FHIT: variants seen among roughly 807,000 people sequenced by gnomAD.
The protein encoded by FHIT is bis(5'-adenosyl)-triphosphatase.
In FHIT, 19 loss-of-function variants were observed where a neutral mutation model predicts 17.9. That is an observed-to-expected ratio of 1.06 (90% CI 0.74 to 1.56). The LOEUF (loss-of-function observed/expected upper bound fraction) is 1.56, where lower values mean the gene tolerates loss of function less well. Among genes scored for constraint, FHIT ranks in the 40% most tolerant of loss-of-function variants. The probability of loss-of-function intolerance (pLI) is 0.00; values close to 1 mark genes in which losing one functional copy is unlikely to be tolerated. For synonymous variants in FHIT, 81 were observed against 69.7 expected (o/e 1.16, Z -0.81); for missense variants, 248 against 189.2 (o/e 1.31, Z -1.82).
intron 5 of FHIT, among the ~76,000 whole-genome samples, chr3:60,362,727 T>C (rs1699952917): frequency 1.3e-5 from 2 of 152,220 alleles, no homozygotes; most frequent in African/African-American, 4.8e-5. Context: ...AACTTTCCCT[T>C]GACTCATTTT....
chr3:61,105,504 A>T (rs754923138), intron 2 of FHIT, among the ~76,000 whole-genome samples: 2 of 152,076 alleles, frequency 1.3e-5, no homozygotes, highest in Non-Finnish European at 2.9e-5. Context: ...GAGTCTGCAA[A>T]TTCTGTTTGA....
intron 4 of FHIT, among the ~76,000 whole-genome samples, chr3:60,805,800 C>A (rs1455202772): frequency 6.6e-6 from 1 of 152,136 alleles, no homozygotes; most frequent in Non-Finnish European, 1.5e-5. Context: ...ACCTCGTGAT[C>A]TGCCCACCTC....
intron 1 of FHIT, among the ~76,000 whole-genome samples, chr3:61,207,883 T>A (rs1560074940): frequency 6.6e-6 from 1 of 152,222 alleles, no homozygotes; most frequent in South Asian, 2.1e-4. Context: ...CTCTTGCTTC[T>A]CTAGTTCTTT....
intron 7 of FHIT, among the ~76,000 whole-genome samples, chr3:59,950,499 T>C (rs938186631): frequency 6.6e-6 from 1 of 152,218 alleles, no homozygotes; most frequent in Non-Finnish European, 1.5e-5. Flanking sequence ...TCCCCTCTTA[T>C]ATCACTTCTT....
intron 3 of FHIT, among the ~76,000 whole-genome samples, chr3:60,864,182 A>T (rs1229049845): frequency 6.6e-6 from 1 of 152,022 alleles, no homozygotes; most frequent in Non-Finnish European, 1.5e-5. Flanking sequence ...ATTACCTCCT[A>T]CCCACTGGGT....
intron 4 of FHIT, among the ~76,000 whole-genome samples, chr3:60,609,659 C>T (rs1279439218): frequency 1.3e-5 from 2 of 152,096 alleles, no homozygotes; most frequent in African/African-American, 4.8e-5. Context: ...AAGCATTCTT[C>T]ATTGTTTTAT....
intron 2 of FHIT, among the ~76,000 whole-genome samples, chr3:61,175,749 C>A (rs2107148892): frequency 6.6e-6 from 1 of 152,232 alleles, no homozygotes; most frequent in Middle Eastern, 3.4e-3. Flanking sequence ...GATGCAGCAA[C>A]AAAGCACCAT....
intron 5 of FHIT, among the ~76,000 whole-genome samples, chr3:60,035,886 G>C (rs546042967): frequency 6.6e-6 from 1 of 152,278 alleles, no homozygotes; most frequent in Non-Finnish European, 1.5e-5. Flanking sequence ...ATAACAAGCA[G>C]TCCCAGCATT....
At chr3:60,236,525 C>T (rs1405698312) in intron 5 of FHIT, among the ~76,000 whole-genome samples, 2 of 152,048 alleles carry the variant, frequency 1.3e-5, no homozygotes, top group Non-Finnish European at 2.9e-5. Flanking sequence ...GTAAGCATCA[C>T]TGAAAACTGA....
chr3:59,806,672 G>GTATATATATATGTATATACATA (rs1700213562), intron 8 of FHIT, among the ~76,000 whole-genome samples: 1 of 14,100 alleles, frequency 7.1e-5, no homozygotes, highest in African/African-American at 1.3e-4. Context: ...ACATATATAT[G>GTATATATATATGTATATACATA]TGTATATATA....
In FHIT at chr3:60,362,091, A is replaced by G. The variant is rs143692899; in HGVS notation, c.103+174769T>C. Among the ~76,000 whole-genome samples the G allele has an allele frequency of 4.3e-3, 662 of 152,284 alleles. 5 individuals are homozygous for G. The highest frequency in any genetic ancestry group is 0.015 in the African/African-American group (612 of 41,558). On this transcript the variant is annotated intron_variant, in intron 5 of 9. Transcript: ENST00000492590. ...CTGAGATTTAAAAAAAAATAATTTTATTGTGTGCATTTGAAGTTTATAGCA... is the reference window on the plus strand; with the variant it reads ...CTGAGATTTAAAAAAAAATAATTTTGTTGTGTGCATTTGAAGTTTATAGCA...
chr3:60,287,544 T>C (rs975537051), intron 5 of FHIT, among the ~76,000 whole-genome samples: 5 of 152,222 alleles, frequency 3.3e-5, no homozygotes, highest in African/African-American at 1.2e-4. Flanking sequence ...TTGCTTTTAA[T>C]ACTTAGAACA....
At chr3:60,235,642 T>C (rs1243975113) in intron 5 of FHIT, among the ~76,000 whole-genome samples, 4 of 152,298 alleles carry the variant, frequency 2.6e-5, no homozygotes, top group South Asian at 2.1e-4. Flanking sequence ...AGCAACATCA[T>C]TGACAGTCTA....
At chr3:61,161,424 G>T (rs540645077) in intron 2 of FHIT, among the ~76,000 whole-genome samples, 18 of 151,990 alleles carry the variant, frequency 1.2e-4, no homozygotes, top group Admixed American at 4.6e-4. Context: ...GGATGGTCTC[G>T]ATCTCCTGAT....
chr3:60,063,676 CTT>C (rs1035609317), intron 5 of FHIT, among the ~76,000 whole-genome samples: 5 of 152,204 alleles, frequency 3.3e-5, no homozygotes, highest in African/African-American at 1.2e-4. Flanking sequence ...TTGGCAATCT[CTT>C]AGCAAAATGG....
At chr3:60,327,030 G>T (rs568878743) in intron 5 of FHIT, among the ~76,000 whole-genome samples, 3 of 152,252 alleles carry the variant, frequency 2.0e-5, no homozygotes, top group Admixed American at 1.3e-4. Context: ...GAGGATCCAG[G>T]TCTCCTCCTC....
chr3:60,852,834 T>G (rs545050040), intron 3 of FHIT, among the ~76,000 whole-genome samples: 15 of 151,954 alleles, frequency 9.9e-5, no homozygotes, highest in African/African-American at 3.4e-4. Context: ...TGAGACCCTA[T>G]CCCCTAAAAA....
At chr3:60,798,845 C>A in intron 4 of FHIT, among the ~76,000 whole-genome samples, 1 of 149,956 alleles carries the variant, frequency 6.7e-6, no homozygotes, top group South Asian at 2.1e-4. Flanking sequence ...GCAACCTCCT[C>A]CTCCCAGGTT....
chr3:59,882,415 C>T (rs910130996), intron 8 of FHIT, among the ~76,000 whole-genome samples: 7 of 152,142 alleles, frequency 4.6e-5, no homozygotes, highest in East Asian at 1.9e-4. Flanking sequence ...GAAGAGAGAT[C>T]GTTATAGCAC....
Sources: gnomAD v4.1 joint callset for allele counts (sites outside exome capture counted in the v4.1 genomes callset) on GRCh38, gnomAD v4.1.1 for gene constraint, MANE v1.5 for transcripts, NCBI Gene and HGNC (gene_info 2026-07-23, HGNC 2026-07-21) for gene names.